MARCHF6: variants seen among roughly 807,000 people sequenced by gnomAD.
MARCHF6 encodes E3 ubiquitin-protein ligase MARCHF6.
In MARCHF6, 31 loss-of-function variants were observed where a neutral mutation model predicts 133.7. The ratio of observed to expected loss-of-function variants is 0.23; its 90% CI spans 0.17 to 0.31. The LOEUF is 0.31. Ranked by LOEUF, MARCHF6 falls within the 10% of genes least tolerant of loss-of-function variation. The probability of loss-of-function intolerance (pLI) is 1.00; values close to 1 mark genes in which losing one functional copy is unlikely to be tolerated. For synonymous variants in MARCHF6, 395 were observed against 402.5 expected, an observed-to-expected ratio of 0.98 and a Z score of 0.22; for missense variants, 723 against 1,121.6, an observed-to-expected ratio of 0.64 and a Z score of 5.08.
chr5:10,401,961 C>T (rs1302988030), intron 11 of MARCHF6, 98 bp from the exon 12 acceptor site: 3 of 747,320 alleles, frequency 4.0e-6, no homozygotes, highest in African/African-American at 1.8e-5. Context: ...ATTGTCTCAA[C>T]AATTCTCTTT....
At chr5:10,373,369 A>AGCTG (rs1736576299) in intron 1 of MARCHF6, among the ~76,000 whole-genome samples, 1 of 152,050 alleles carries the variant, frequency 6.6e-6, no homozygotes, top group Non-Finnish European at 1.5e-5. Flanking sequence ...ACCATTCGCT[A>AGCTG]GCTGGCCATC....
rs760038779 is a variant in MARCHF6 at position 10,426,381 on chromosome 5, A to C, written c.2374-9A>C. Reference sequence around the variant, plus strand: ...ATCTTTGTTCTAATTGCTTTTTGTAATGTTTCAGGTTTACGCAAATGGCAT... The same window carrying C: ...ATCTTTGTTCTAATTGCTTTTTGTACTGTTTCAGGTTTACGCAAATGGCAT... On this transcript the variant is annotated splice_polypyrimidine_tract_variant and intron_variant, in intron 23 of 25. Coordinates refer to ENST00000274140, the MANE Select transcript of MARCHF6 (RefSeq NM_005885.4). 6.2e-7 allele frequency: 1 copy of C among 1,610,750 alleles called. No homozygotes were observed. Among genetic ancestry groups the C allele is most frequent in the South Asian group, 1.1e-5 (1 of 90,382 alleles).
intron 22 of MARCHF6, among the ~76,000 whole-genome samples, chr5:10,421,308 G>A (rs1324014328): frequency 6.6e-6 from 1 of 152,134 alleles, no homozygotes; most frequent in Non-Finnish European, 1.5e-5. Context: ...CAAATAAAAT[G>A]TGGAATATCA....
intron 21 of MARCHF6, among the ~76,000 whole-genome samples, chr5:10,416,459 A>G (rs560958679): frequency 8.5e-5 from 13 of 152,380 alleles, no homozygotes; most frequent in African/African-American, 2.9e-4. Context: ...TATTTAATCC[A>G]TAAGATAATG....
chr5:10,414,735 T>C (rs1387134282), intron 20 of MARCHF6, among the ~76,000 whole-genome samples: 1 of 152,192 alleles, frequency 6.6e-6, no homozygotes, highest in Non-Finnish European at 1.5e-5. Flanking sequence ...GGAAAAAATA[T>C]ACTGGAAATT....
chr5:10,368,016 C>T (rs559498262), intron 1 of MARCHF6, among the ~76,000 whole-genome samples: 3 of 152,218 alleles, frequency 2.0e-5, no homozygotes, highest in South Asian at 2.1e-4. Context: ...TTACTGCATA[C>T]GAATCTGATG....
chr5:10,397,358 G>A lies in MARCHF6; in HGVS notation c.913+14G>A. 6.5e-7 allele frequency: 1 copy of A among 1,542,584 alleles called. No individual in the cohort carries two copies. The highest frequency in any genetic ancestry group is 8.7e-7 in the Non-Finnish European group (1 of 1,147,194). On this transcript the variant is annotated intron_variant, in intron 10 of 25. Transcript: ENST00000274140. ...TTCTTGTTTTTGGTAAGTTGTGTTT[G>A]TGCTTTTTTTTTTTATAGTATTATG...
At chr5:10,390,988 T>C (rs1296996316) in intron 6 of MARCHF6, among the ~76,000 whole-genome samples, 1 of 152,240 alleles carries the variant, frequency 6.6e-6, no homozygotes, top group Non-Finnish European at 1.5e-5. Flanking sequence ...TTATACTGAA[T>C]GAATATGTAC....
At chr5:10,362,469 TTTTG>T (rs1262718431) in intron 1 of MARCHF6, among the ~76,000 whole-genome samples, 2 of 152,232 alleles carry the variant, frequency 1.3e-5, no homozygotes, top group South Asian at 2.1e-4. Flanking sequence ...CCCAAAGGAC[TTTTG>T]TTTATGTGGG....
chr5:10,405,527 A>G, intron 15 of MARCHF6, 31 bp from the exon 16 acceptor site: 1 of 1,560,712 alleles, frequency 6.4e-7, no homozygotes, highest in Non-Finnish European at 8.6e-7. Context: ...GACATTGGTG[A>G]ATATTCATAG....
chr5:10,418,550 G>T (rs1309891774), intron 22 of MARCHF6, among the ~76,000 whole-genome samples: 1 of 152,170 alleles, frequency 6.6e-6, no homozygotes, highest in Non-Finnish European at 1.5e-5. Flanking sequence ...TGGGGGAAAA[G>T]AGCTAGGTAT....
intron 24 of MARCHF6, among the ~76,000 whole-genome samples, chr5:10,429,013 G>A (rs551445073): frequency 1.3e-5 from 2 of 152,300 alleles, no homozygotes; most frequent in Admixed American, 1.3e-4. Flanking sequence ...ATGGGAAATT[G>A]AGGTTCATAG....
intron 20 of MARCHF6, 30 bp from the exon 21 acceptor site, chr5:10,415,458 T>C (rs773921459): frequency 1.4e-5 from 22 of 1,589,380 alleles, no homozygotes; most frequent in Non-Finnish European, 1.7e-5. Context: ...CCTAGCCACA[T>C]GTCTCATTTA....
intron 5 of MARCHF6, 123 bp from the exon 6 acceptor site, chr5:10,390,209 A>G (rs2126727245): frequency 1.3e-6 from 1 of 744,746 alleles, no homozygotes; most frequent in Non-Finnish European, 2.2e-6. Context: ...CCAAAAAATT[A>G]TGATTTATTC....
intron 8 of MARCHF6, 141 bp from the exon 9 acceptor site, chr5:10,394,612 T>C: frequency 1.6e-6 from 1 of 608,104 alleles, no homozygotes; most frequent in Admixed American, 3.7e-5. Flanking sequence ...TTTCTGAAAA[T>C]GATAGGAAGT....
intron 1 of MARCHF6, among the ~76,000 whole-genome samples, chr5:10,374,319 A>G (rs1033670066): frequency 6.6e-6 from 1 of 152,216 alleles, no homozygotes; most frequent in African/African-American, 2.4e-5. Context: ...AATTCCTGGC[A>G]GTTAAAATGC....
Position 10,428,597 on chromosome 5 carries a change from C to T in MARCHF6, c.2507-1296C>T, listed in dbSNP as rs555607319. Among the ~76,000 whole-genome samples the T allele has an allele frequency of 1.2e-4, 19 of 152,224 alleles. No homozygotes were observed. The South Asian group carries it at 2.7e-3, about 22-fold the overall frequency. ...CCTCAGATAATCCACCCCCCTCGGC[C>T]GCCCAGAGTGCTGGGATTACAGGCA... On this transcript the variant is annotated intron_variant, in intron 24 of 25. Coordinates refer to ENST00000274140, the MANE Select transcript of MARCHF6 (RefSeq NM_005885.4).
chr5:10,375,299 G>A lies in MARCHF6; in HGVS notation c.20-2499G>A, dbSNP rs577088867. Among the ~76,000 whole-genome samples, 24 of 152,344 alleles carry A rather than the reference G, an allele frequency of 1.6e-4. No homozygotes were observed. The South Asian group carries it at 4.1e-3, about 26-fold the overall frequency. On this transcript the variant is annotated intron_variant, in intron 1 of 25. Transcript: ENST00000274140. ...CCAGGCAGTGAGAGACTTGGCACCC[G>A]GGCCAGCGGCTGCAGAGGGTGTACT... is the stretch of plus-strand genomic sequence containing the variant.
At chr5:10,364,134 T>TG (rs2126651723) in intron 1 of MARCHF6, among the ~76,000 whole-genome samples, 1 of 152,380 alleles carries the variant, frequency 6.6e-6, no homozygotes, top group East Asian at 1.9e-4. Context: ...TACTGTGAGA[T>TG]ATCATTACAT....
Sources: gnomAD v4.1 joint callset for allele counts (sites outside exome capture counted in the v4.1 genomes callset) on GRCh38, gnomAD v4.1.1 for gene constraint, MANE v1.5 for transcripts, NCBI Gene and HGNC (gene_info 2026-07-23, HGNC 2026-07-21) for gene names.